The following GLB1 variants were observed in gnomAD, a reference collection of about 807,000 sequenced individuals.
GLB1 encodes the protein galactosidase beta 1.
In GLB1, 56 loss-of-function variants were observed where a neutral mutation model predicts 74.0. That is an observed-to-expected ratio of 0.76 (90% CI 0.61 to 0.94). The LOEUF (loss-of-function observed/expected upper bound fraction) is 0.94. Among genes scored for constraint, GLB1 ranks in the 40% least tolerant of loss-of-function variants. The pLI, the probability that GLB1 is intolerant of heterozygous loss-of-function variation, is 0.00. For missense variants in GLB1, 787 were observed against 845.5 expected (o/e 0.93, Z 0.86); for synonymous variants, 323 against 323.6 (o/e 1.00, Z 0.02).
chr3:33,072,481 T>A lies in GLB1; in HGVS notation c.245+63A>T, dbSNP rs1204835310. Reference sequence around the variant, plus strand: ...AAAATAGCCACCCTGAGAAATACAGTTGTATCTTCTCTCCAGAGTGGGTGT... The same window carrying A: ...AAAATAGCCACCCTGAGAAATACAGATGTATCTTCTCTCCAGAGTGGGTGT... On this transcript the variant is annotated intron_variant, in intron 2 of 15. Coordinates refer to ENST00000307363, the MANE Select transcript of GLB1 (RefSeq NM_000404.4). The A allele has an allele frequency of 1.9e-6, 3 of 1,606,766 alleles. No individual in the cohort carries two copies. In the African/African-American group the frequency reaches 4.0e-5, roughly 21 times the overall value.
At chr3:33,056,858 C>T (rs1454132001) in intron 6 of GLB1, among the ~76,000 whole-genome samples, 1 of 152,176 alleles carries the variant, frequency 6.6e-6, no homozygotes, top group Non-Finnish European at 1.5e-5. Context: ...GGAAATTATA[C>T]TGATACAGTA....
chr3:33,041,312 A>G (rs930071234), intron 10 of GLB1, among the ~76,000 whole-genome samples: 2 of 152,230 alleles, frequency 1.3e-5, no homozygotes, highest in African/African-American at 4.8e-5. Flanking sequence ...ACTTCTCAGC[A>G]GCAACAATAA....
chr3:32,992,984 G>T (rs546535140), downstream of GLB1, among the ~76,000 whole-genome samples: 1 of 152,186 alleles, frequency 6.6e-6, no homozygotes, highest in Non-Finnish European at 1.5e-5. Context: ...ACATCGGGGC[G>T]ATTTTCCTTG....
the GLB1 span, among the ~76,000 whole-genome samples, chr3:32,990,961 G>A: frequency 6.6e-6 from 1 of 152,108 alleles, no homozygotes; most frequent in Admixed American, 6.5e-5. Flanking sequence ...GCGACAGAGT[G>A]AGACTCTGTC....
chr3:32,978,979 C>CTTT, the GLB1 span, among the ~76,000 whole-genome samples: 1 of 111,694 alleles, frequency 9.0e-6, no homozygotes, highest in African/African-American at 3.6e-5. Flanking sequence ...TTCTTTCTTT[C>CTTT]TTTTTTTTTT....
At chr3:33,080,422 T>C (rs890771211) in intron 1 of GLB1, among the ~76,000 whole-genome samples, 2 of 152,156 alleles carry the variant, frequency 1.3e-5, no homozygotes, top group Non-Finnish European at 2.9e-5. Flanking sequence ...TGTAGCTCTG[T>C]GAATGGTCTT....
At chr3:32,991,798 G>T (rs1021816323), downstream of GLB1, among the ~76,000 whole-genome samples, 1 of 152,232 alleles carries the variant, frequency 6.6e-6, no homozygotes, top group African/African-American at 2.4e-5. Context: ...GGAATTGCCA[G>T]ATGGTTCTGG....
chr3:33,093,928 G>C lies in GLB1; in HGVS notation c.75+3083C>G. 1 of 1,614,138 alleles carries C rather than the reference G, an allele frequency of 6.2e-7. No homozygotes were observed. The highest frequency in any genetic ancestry group is 8.5e-7 in the Non-Finnish European group (1 of 1,180,024). ...GAATGGGCCAGGGCCAGAAATGCCA[G>C]AACCACCACCTTCCAAAGCTGAAAA... On this transcript the variant is annotated intron_variant, in intron 1 of 15. Coordinates refer to ENST00000307363, the MANE Select transcript of GLB1 (RefSeq NM_000404.4). This position sits in a 1 kb window ranked among gnomAD's most constrained non-coding sequence, Gnocchi z 6.0.
intron 13 of GLB1, among the ~76,000 whole-genome samples, chr3:33,018,082 A>C (rs1697308015): frequency 6.6e-6 from 1 of 151,936 alleles, no homozygotes; most frequent in South Asian, 2.1e-4. Context: ...TCCGGAGTTC[A>C]AGACCAGCCT....
chr3:33,068,424 G>A, intron 3 of GLB1, 134 bp from the exon 4 acceptor site: 1 of 1,230,348 alleles, frequency 8.1e-7, no homozygotes, highest in South Asian at 1.5e-5. Flanking sequence ...TGGGCTTTTT[G>A]GTTTATAACT....
rs1697487939 is a variant in GLB1 at position 33,021,615 on chromosome 3, G to C, written c.1184C>G (p.Ser395Cys). Residue 395 changes from serine to cysteine, a missense_variant, in exon 12 of 16, where the codon TCT becomes TGT. Coordinates refer to ENST00000307363, the MANE Select transcript of GLB1 (RefSeq NM_000404.4). ...GGGATAAAGGCTTTTGATGGGCCCA[G>C]AGGGACACAGAATGTCCAGAGCTGC... The part of the protein sequence containing the change: ...VGAALDILCP[S>C]GPIKSLYPLT... 2.4e-5 allele frequency: 38 copies of C among 1,614,080 alleles called. No individual in the cohort carries two copies. Among genetic ancestry groups the C allele is most frequent in the Non-Finnish European group, 3.1e-5 (37 of 1,179,998 alleles).
At chr3:32,970,885 G>A in the GLB1 span, among the ~76,000 whole-genome samples, 3 of 152,158 alleles carry the variant, frequency 2.0e-5, no homozygotes, top group Non-Finnish European at 4.4e-5. Context: ...ATCGGAGAGA[G>A]AAAAAGAAAG....
At chr3:33,088,368 TAC>T (rs55949952) in intron 1 of GLB1, among the ~76,000 whole-genome samples, 5,744 of 141,684 alleles carry the variant, frequency 0.041, 132 homozygotes, top group African/African-American at 0.076. Context: ...CCCTAAAGAC[TAC>T]ACACACACAC....
the GLB1 span, among the ~76,000 whole-genome samples, chr3:32,963,781 A>T: frequency 6.6e-6 from 1 of 152,234 alleles, no homozygotes; most frequent in African/African-American, 2.4e-5. Flanking sequence ...AGAGGAAAAA[A>T]TTATGCTTTG....
intron 5 of GLB1, among the ~76,000 whole-genome samples, chr3:33,058,652 T>C (rs1013614002): frequency 6.6e-6 from 1 of 152,214 alleles, no homozygotes; most frequent in African/African-American, 2.4e-5. Context: ...ATTAATTCCA[T>C]TGCCCAGAGA....
chr3:33,031,611 C>CAAAAAAAAAAAA (rs1255172812), intron 10 of GLB1, among the ~76,000 whole-genome samples: 1 of 22,064 alleles, frequency 4.5e-5, no homozygotes, highest in Non-Finnish European at 7.4e-5. Flanking sequence ...GGCTCTGTCT[C>CAAAAAAAAAAAA]AAAAAAAAAA....
intron 5 of GLB1, among the ~76,000 whole-genome samples, chr3:33,062,425 C>T (rs1452072253): frequency 1.3e-5 from 2 of 152,202 alleles, no homozygotes; most frequent in Non-Finnish European, 2.9e-5. Context: ...GCCTCGGCCT[C>T]CCAAAGTGCT....
chr3:33,008,050 A>G (rs1463768856), intron 15 of GLB1, among the ~76,000 whole-genome samples: 1 of 152,226 alleles, frequency 6.6e-6, no homozygotes, highest in Non-Finnish European at 1.5e-5. Context: ...GATAGTGTCT[A>G]TAAAGCGTTG....
intron 15 of GLB1, among the ~76,000 whole-genome samples, chr3:33,009,229 T>C (rs1696919061): frequency 6.6e-6 from 1 of 150,392 alleles, no homozygotes; most frequent in South Asian, 2.1e-4. Flanking sequence ...TTCAGGTCAT[T>C]AATAAGATTT....
Sources: allele counts gnomAD v4.1 joint callset (sites outside exome capture counted in the v4.1 genomes callset), GRCh38; gene constraint gnomAD v4.1.1; non-coding constraint Gnocchi (gnomAD v3.1); transcripts MANE v1.5; gene names NCBI Gene and HGNC (gene_info 2026-07-23, HGNC 2026-07-21).